MACROD2: variants seen among roughly 807,000 people sequenced by gnomAD.
MACROD2 encodes ADP-ribose glycohydrolase MACROD2.
MACROD2 carries 36 observed loss-of-function variants against 70.4 expected under a neutral mutation model. The ratio of observed to expected loss-of-function variants is 0.51; its 90% CI spans 0.39 to 0.68. MACROD2 has a LOEUF of 0.68. MACROD2 is among the 30% of genes least tolerant of loss of function. The pLI, the probability that MACROD2 is intolerant of heterozygous loss-of-function variation, is 0.00. For synonymous variants in MACROD2, 172 were observed against 178.8 expected, an observed-to-expected ratio of 0.96 and a Z score of 0.30; for missense variants, 496 against 538.4, an observed-to-expected ratio of 0.92 and a Z score of 0.78.
intron 5 of MACROD2, among the ~76,000 whole-genome samples, chr20:15,209,563 C>T (rs539478287): frequency 6.6e-6 from 1 of 152,238 alleles, no homozygotes; most frequent in Admixed American, 6.5e-5. Context: ...TTCTAATCTT[C>T]TTTTGTAGGA....
At chr20:14,550,174 C>T (rs948753246) in intron 4 of MACROD2, among the ~76,000 whole-genome samples, 29 of 152,148 alleles carry the variant, frequency 1.9e-4, no homozygotes, top group African/African-American at 6.3e-4. Flanking sequence ...CCGCCTGCCT[C>T]GGCTTCCCAA....
chr20:15,806,188 G>A (rs940040575), intron 8 of MACROD2, among the ~76,000 whole-genome samples: 1 of 152,056 alleles, frequency 6.6e-6, no homozygotes, highest in African/African-American at 2.4e-5. Flanking sequence ...TAAAAAACAC[G>A]AGCTTTTCTT....
chr20:15,827,411 G>A (rs1020262984), intron 8 of MACROD2, among the ~76,000 whole-genome samples: 9 of 152,058 alleles, frequency 5.9e-5, no homozygotes, highest in African/African-American at 1.9e-4. Context: ...TTCTGTACAA[G>A]TCTACTCTTC....
At chr20:15,483,066 A>C (rs957890017) in intron 7 of MACROD2, among the ~76,000 whole-genome samples, 6 of 151,994 alleles carry the variant, frequency 3.9e-5, no homozygotes, top group Admixed American at 6.6e-5. Flanking sequence ...ATGTTTTTTA[A>C]TTTTAATGAA....
chr20:14,402,076 G>A (rs996698990), intron 3 of MACROD2, among the ~76,000 whole-genome samples: 4 of 151,998 alleles, frequency 2.6e-5, no homozygotes, highest in African/African-American at 9.7e-5. Flanking sequence ...TGTTTTCCTT[G>A]CATCAATAAA....
intron 5 of MACROD2, among the ~76,000 whole-genome samples, chr20:14,923,787 G>A (rs1011319919): frequency 1.7e-4 from 24 of 144,160 alleles, no homozygotes; most frequent in Admixed American, 1.2e-3. Context: ...CTGGCGGTGC[G>A]TTGGGGGAGG....
At chr20:14,523,305 G>A (rs1001968536) in intron 4 of MACROD2, 4 of 152,134 alleles carry the variant, frequency 2.6e-5, no homozygotes, top group African/African-American at 7.2e-5. Flanking sequence ...ACACCAAGGG[G>A]GAAATGAATA....
chr20:15,461,011 T>TTTTTTTTTC (rs2046810899), intron 7 of MACROD2, among the ~76,000 whole-genome samples: 2 of 136,374 alleles, frequency 1.5e-5, no homozygotes, highest in Admixed American at 1.5e-4. Flanking sequence ...TATATATTTT[T>TTTTTTTTTC]TTTTAATAGA....
At chr20:15,470,135 C>T (rs980935663) in intron 7 of MACROD2, among the ~76,000 whole-genome samples, 10 of 152,096 alleles carry the variant, frequency 6.6e-5, no homozygotes, top group Admixed American at 1.3e-4. Flanking sequence ...CTGCAACCTC[C>T]GCCTGCCGGG....
At chr20:15,125,685 C>T (rs2076061264) in intron 5 of MACROD2, among the ~76,000 whole-genome samples, 1 of 151,860 alleles carries the variant, frequency 6.6e-6, no homozygotes, top group Admixed American at 6.6e-5. Flanking sequence ...TTTCTCTTTT[C>T]TTCTTGAGAT....
At chr20:15,489,855 C>A (rs918973593) in intron 7 of MACROD2, among the ~76,000 whole-genome samples, 2 of 152,034 alleles carry the variant, frequency 1.3e-5, no homozygotes, top group Non-Finnish European at 2.9e-5. Context: ...CTGGTCCTGT[C>A]CCTTGCTTGA....
At chr20:14,791,902 A>C (rs963028756) in intron 5 of MACROD2, among the ~76,000 whole-genome samples, 2 of 151,910 alleles carry the variant, frequency 1.3e-5, no homozygotes, top group Non-Finnish European at 2.9e-5. Flanking sequence ...TAATTTTGAA[A>C]TGTTAATAAT....
intron 5 of MACROD2, among the ~76,000 whole-genome samples, chr20:15,052,505 G>A (rs888203509): frequency 2.0e-5 from 3 of 152,098 alleles, no homozygotes; most frequent in East Asian, 3.9e-4. Context: ...ATAGTGATCC[G>A]TAGTCAGTGA....
At chr20:15,554,546 CAAAA>C (rs201068996) in intron 8 of MACROD2, among the ~76,000 whole-genome samples, 10 of 89,836 alleles carry the variant, frequency 1.1e-4, no homozygotes, top group Non-Finnish European at 1.4e-4. Flanking sequence ...CCTATTTGGC[CAAAA>C]AAAAAAAAAA....
chr20:14,072,270 T>C (rs2053855117), intron 2 of MACROD2, among the ~76,000 whole-genome samples: 1 of 152,060 alleles, frequency 6.6e-6, no homozygotes, highest in Non-Finnish European at 1.5e-5. Flanking sequence ...GTATGGGGTG[T>C]GGTGGGACAG....
intron 2 of MACROD2, among the ~76,000 whole-genome samples, chr20:14,065,442 G>A (rs2053744194): frequency 6.6e-6 from 1 of 152,186 alleles, no homozygotes; most frequent in Non-Finnish European, 1.5e-5. Flanking sequence ...CCTGGCAGGA[G>A]AAAGGAGTAT....
In MACROD2 at chr20:15,451,299, A is replaced by G. The variant is rs2046637695; in HGVS notation, c.571+19864A>G. Among the ~76,000 whole-genome samples, 11 of 152,086 alleles carry G rather than the reference A, an allele frequency of 7.2e-5. No homozygotes were observed. In the South Asian group the frequency reaches 2.3e-3, roughly 32 times the overall value. On this transcript the variant is annotated intron_variant, in intron 7 of 17. Transcript: ENST00000684519. ...CATTTGCACTGTTAAGACTTACATC[A>G]GAAGTACAAAGCATTTTAAACTGAC... is the stretch of plus-strand genomic sequence containing the variant.
At chr20:15,097,809 A>G (rs955328743) in intron 5 of MACROD2, among the ~76,000 whole-genome samples, 1 of 152,176 alleles carries the variant, frequency 6.6e-6, no homozygotes, top group Non-Finnish European at 1.5e-5. Context: ...ATCGACAAAC[A>G]CGTAGCTGGT....
intron 5 of MACROD2, chr20:14,757,888 G>A: frequency 7.2e-7 from 1 of 1,397,408 alleles, no homozygotes; most frequent in Non-Finnish European, 1.0e-6. Context: ...AAGGTCTGAA[G>A]GGTGAGTGAC....
Sources: gnomAD v4.1 joint callset for allele counts (sites outside exome capture counted in the v4.1 genomes callset) on GRCh38, gnomAD v4.1.1 for gene constraint, MANE v1.5 for transcripts, NCBI Gene and HGNC (gene_info 2026-07-23, HGNC 2026-07-21) for gene names.